Variants in TEX10 observed in about 807,000 individuals in gnomAD.
TEX10 encodes testis expressed 10.
A neutral mutation model predicts 104.4 loss-of-function variants in TEX10; 24 were observed. The observed-to-expected ratio is 0.23, with a 90% CI of 0.17 to 0.32. The LOEUF (loss-of-function observed/expected upper bound fraction) is 0.32. TEX10 is among the 10% of genes least tolerant of loss of function. The probability of loss-of-function intolerance (pLI) is 1.00; values close to 1 mark genes in which losing one functional copy is unlikely to be tolerated. For synonymous variants in TEX10, 396 were observed against 393.4 expected (o/e 1.01, Z -0.08); for missense variants, 921 against 1,083.9 (o/e 0.85, Z 2.11).
chr9:100,311,159 GGC>G (rs1267972372), intron 11 of TEX10, among the ~76,000 whole-genome samples: 1 of 152,134 alleles, frequency 6.6e-6, no homozygotes, highest in African/African-American at 2.4e-5. Flanking sequence ...TACTTTGGGA[GGC>G]CAAGGTGGGA....
intron 1 of TEX10, among the ~76,000 whole-genome samples, chr9:100,352,014 A>G (rs1224522961): frequency 1.1e-5 from 1 of 94,394 alleles, no homozygotes; most frequent in Admixed American, 1.2e-4. Flanking sequence ...TTCCTACTGT[A>G]GGTCTTTTCT....
chr9:100,317,547 A>C (rs1433949932), intron 11 of TEX10, among the ~76,000 whole-genome samples: 1 of 152,206 alleles, frequency 6.6e-6, no homozygotes. Flanking sequence ...AAGAATCTAC[A>C]GAAAACTCTT....
rs1342047330 is a variant in TEX10, at chr9:100,338,139, A to G, written c.1250+2118T>C. Among the ~76,000 whole-genome samples, 5 of 152,186 alleles carry G rather than the reference A, an allele frequency of 3.3e-5. No individual in the cohort carries two copies. In the East Asian group the frequency reaches 9.6e-4, roughly 29 times the overall value. On this transcript the variant is annotated intron_variant, in intron 5 of 14. Transcript: ENST00000374902. ...AATAAAGGGGTGGTACAAAGGGCCT[A>G]GAAAGCTGTAAGAGGAAGACGGGAC...
chr9:100,326,574 C>T, intron 8 of TEX10, 95 bp from the exon 9 acceptor site: 1 of 1,231,444 alleles, frequency 8.1e-7, no homozygotes, highest in East Asian at 2.6e-5. Context: ...GAATTATGGG[C>T]TAACATTTTA....
intron 5 of TEX10, among the ~76,000 whole-genome samples, chr9:100,337,645 A>G (rs1835044400): frequency 6.6e-6 from 1 of 152,220 alleles, no homozygotes; most frequent in Non-Finnish European, 1.5e-5. Context: ...AAAGGATCTG[A>G]AAGATGAACT....
chr9:100,343,828 G>A (rs1484488898), intron 4 of TEX10, among the ~76,000 whole-genome samples: 1 of 152,164 alleles, frequency 6.6e-6, no homozygotes, highest in Admixed American at 6.5e-5. Context: ...TCAATGCCAA[G>A]CAATGCTATT....
At chr9:100,306,839 T>A (rs113284174) in intron 13 of TEX10, 1 of 152,216 alleles carries the variant, frequency 6.6e-6, no homozygotes, top group African/African-American at 2.4e-5. Flanking sequence ...TCCAGCCACA[T>A]GAAGTCAAAG....
intron 4 of TEX10, among the ~76,000 whole-genome samples, chr9:100,343,751 T>A (rs763736065): frequency 6.6e-6 from 1 of 152,160 alleles, no homozygotes; most frequent in Non-Finnish European, 1.5e-5. Context: ...AATTTACCAA[T>A]AGAAAAATCT....
Position 100,334,212 on chromosome 9 carries a change from T to A in TEX10, c.1251-4043A>T, listed in dbSNP as rs948850222. Among the ~76,000 whole-genome samples, 13 of 151,784 alleles carry A rather than the reference T, an allele frequency of 8.6e-5. 1 individual carries two copies. Among genetic ancestry groups the A allele is most frequent in the Admixed American group, 8.5e-4 (13 of 15,246 alleles). ...GAAAAGAAAATCACACCTGGATACA[T>A]CACTGTGAAATTGCAGAAAATGAAA... On this transcript the variant is annotated intron_variant, in intron 5 of 14. Coordinates refer to ENST00000374902, the MANE Select transcript of TEX10 (RefSeq NM_017746.4).
chr9:100,339,118 G>A (rs1835091353), intron 5 of TEX10, among the ~76,000 whole-genome samples: 1 of 150,498 alleles, frequency 6.6e-6, no homozygotes, highest in South Asian at 2.1e-4. Context: ...ATCAGGCATG[G>A]TGGTGAACAC....
At chr9:100,308,407 A>G (rs945565939) in intron 13 of TEX10, 93 bp downstream of exon 13, 102 of 1,123,602 alleles carry the variant, frequency 9.1e-5, no homozygotes, top group Non-Finnish European at 1.2e-4. Context: ...AGGTATCTGT[A>G]TAACCTAATT....
intron 5 of TEX10, among the ~76,000 whole-genome samples, chr9:100,336,091 C>G (rs1835000910): frequency 6.6e-6 from 1 of 152,002 alleles, no homozygotes; most frequent in Non-Finnish European, 1.5e-5. Context: ...TGCTTGAACT[C>G]AGGAGGTGGA....
intron 8 of TEX10, 29 bp downstream of exon 8, chr9:100,327,758 C>T (rs1834744579): frequency 2.0e-6 from 3 of 1,523,018 alleles, no homozygotes; most frequent in African/African-American, 1.4e-5. Context: ...TCAATGACTA[C>T]CCATACCATT....
Position 100,302,293 on chromosome 9 carries a change from A to ACTC in TEX10, c.2685_2687dup (p.Lys895_Ser896insArg). 2 of 1,611,610 alleles carry ACTC rather than the reference A, an allele frequency of 1.2e-6. No homozygotes were observed. Among genetic ancestry groups the ACTC allele is most frequent in the East Asian group, 4.5e-5 (2 of 44,830 alleles). On this transcript the variant is annotated inframe_insertion, in exon 15 of 15. Transcript: ENST00000374902. ...TGAGCCACTGTTCCTGAACACTTCC[A>ACTC]CTCTTCAATGTCTGGAGAGAAAAAC... is the stretch of plus-strand genomic sequence containing the variant.
At chr9:100,316,225 C>T (rs1253025205) in intron 11 of TEX10, among the ~76,000 whole-genome samples, 1 of 152,044 alleles carries the variant, frequency 6.6e-6, no homozygotes, top group Non-Finnish European at 1.5e-5. Flanking sequence ...TCAGTATACA[C>T]AAATCAATAA....
intron 5 of TEX10, among the ~76,000 whole-genome samples, chr9:100,333,991 C>A (rs1334758973): frequency 6.6e-6 from 1 of 151,964 alleles, no homozygotes; most frequent in Non-Finnish European, 1.5e-5. Flanking sequence ...GAATTAAAAA[C>A]TGGAAGAGAT....
In TEX10 at chr9:100,302,230, C is replaced by T; in HGVS notation, c.2751G>A (p.Gly917=). The T allele has an allele frequency of 6.2e-7, 1 of 1,612,760 alleles. No individual in the cohort carries two copies. Among genetic ancestry groups the T allele is most frequent in the Non-Finnish European group, 8.5e-7 (1 of 1,179,200 alleles). ...CCAGTGCACTGGGCCCTTGGGGATG[C>T]CCAGTGATATACACGTTGAAGCAGT... ...LHYCFNVYIT[G]HPQGPSALAT... The change falls in exon 15 of 15, where the codon GGG becomes GGA. Residue 917 remains glycine (G), a synonymous_variant. Transcript: ENST00000374902.
intron 4 of TEX10, among the ~76,000 whole-genome samples, chr9:100,345,045 A>G (rs1475550954): frequency 6.6e-6 from 1 of 152,222 alleles, no homozygotes; most frequent in African/African-American, 2.4e-5. Context: ...TCTAGCCTAC[A>G]TCACAAATTA....
At position 100,308,559 on chromosome 9, in the gene TEX10, G is replaced by A. The variant is rs375458622; in HGVS notation, c.2406C>T (p.Tyr802=). 27 of 1,612,650 alleles carry A rather than the reference G, an allele frequency of 1.7e-5. No individual in the cohort carries two copies. In the African/African-American group the frequency reaches 1.7e-4, roughly 10 times the overall value. ...TAGTGAGCAGAAAATAAAGAAGACT[G>A]TAGCAACAAGAAGCCAGAAATGGCA... ...TLLPFLASCC[Y]SLLYFLLTIE... is the part of the protein sequence containing the mutation. The change falls in exon 13 of 15, where the codon TAC becomes TAT. Residue 802 remains tyrosine, a synonymous_variant. Transcript: ENST00000374902.
Sources: allele counts gnomAD v4.1 joint callset (sites outside exome capture counted in the v4.1 genomes callset), GRCh38; gene constraint gnomAD v4.1.1; transcripts MANE v1.5; gene names NCBI Gene and HGNC (gene_info 2026-07-23, HGNC 2026-07-21).